Variants in PDPR observed in about 807,000 individuals in gnomAD.
PDPR encodes pyruvate dehydrogenase phosphatase regulatory subunit.
Under a neutral mutation model 102.2 loss-of-function variants are expected in PDPR, and 50 were observed. The ratio of observed to expected loss-of-function variants is 0.49; its 90% confidence interval spans 0.39 to 0.62. PDPR has a LOEUF of 0.62. Among genes scored for constraint, PDPR ranks in the 20% least tolerant of loss-of-function variants. PDPR has a pLI of 0.00. For missense variants in PDPR, 625 were observed against 1,098.2 expected (o/e 0.57, Z 6.09); for synonymous variants, 259 against 406.0 (o/e 0.64, Z 4.35).
intron 3 of PDPR, among the ~76,000 whole-genome samples, chr16:70,125,577 A>AAAG (rs1388130562): frequency 2.2e-5 from 1 of 45,876 alleles, no homozygotes; most frequent in Non-Finnish European, 4.9e-5. Flanking sequence ...AAAAAAAAGT[A>AAAG]TATATATATA....
chr16:70,138,333 C>G (rs1368682246), intron 10 of PDPR, among the ~76,000 whole-genome samples: 1 of 151,686 alleles, frequency 6.6e-6, no homozygotes, highest in African/African-American at 2.4e-5. Flanking sequence ...ATTCTCCTTC[C>G]TCAGCCTCCG....
At chr16:70,140,551 G>T (rs1399616328) in intron 11 of PDPR, among the ~76,000 whole-genome samples, 2 of 152,190 alleles carry the variant, frequency 1.3e-5, no homozygotes, top group Non-Finnish European at 1.5e-5. Flanking sequence ...AGGCGCAGTG[G>T]CTCAAGCCTG....
At chr16:70,119,041 C>T (rs1242564562) in intron 2 of PDPR, among the ~76,000 whole-genome samples, 4 of 152,088 alleles carry the variant, frequency 2.6e-5, no homozygotes, top group South Asian at 2.1e-4. Flanking sequence ...CCTTGTCTAC[C>T]GCCTCTCGTC....
chr16:70,133,915 T>G (rs1446454111), intron 9 of PDPR, among the ~76,000 whole-genome samples: 1 of 152,166 alleles, frequency 6.6e-6, no homozygotes, highest in Non-Finnish European at 1.5e-5. Flanking sequence ...GTATTTTTAG[T>G]AGAGACAGGG....
chr16:70,135,570 C>T (rs1274173502), intron 9 of PDPR, among the ~76,000 whole-genome samples: 4 of 152,276 alleles, frequency 2.6e-5, no homozygotes, highest in African/African-American at 4.8e-5. Context: ...TCTCTGTGGC[C>T]GCCATTTAAG....
chr16:70,131,655 T>G, intron 8 of PDPR: 1 of 982,640 alleles, frequency 1.0e-6, no homozygotes, highest in Non-Finnish European at 1.2e-6. Context: ...CTAATTTTAG[T>G]CCTAAACAGA....
intron 9 of PDPR, among the ~76,000 whole-genome samples, chr16:70,134,798 AATAAT>A (rs1271429709): frequency 4.6e-5 from 3 of 64,744 alleles, no homozygotes; most frequent in South Asian, 3.7e-4. Context: ...AAAAAAAAAA[AATAAT>A]AATAATAATA....
At chr16:70,137,337 C>T (rs1214336748) in intron 10 of PDPR, among the ~76,000 whole-genome samples, 2 of 152,228 alleles carry the variant, frequency 1.3e-5, no homozygotes, top group Non-Finnish European at 2.9e-5. Context: ...GCCTGGGCAA[C>T]AGAGCGAGAC....
At chr16:70,148,081 G>T (rs1966383010) in intron 16 of PDPR, among the ~76,000 whole-genome samples, 2 of 152,256 alleles carry the variant, frequency 1.3e-5, no homozygotes, top group African/African-American at 4.8e-5. Flanking sequence ...TGTATGGCAG[G>T]CGGCCAGGGT....
chr16:70,159,865 T>C lies in PDPR; in HGVS notation c.*2986T>C, dbSNP rs1328175873. The C allele has an allele frequency of 6.5e-6, 1 of 152,962 alleles. No individual in the cohort carries two copies. The highest frequency in any genetic ancestry group is 1.5e-5 in the Non-Finnish European group (1 of 68,538). 9.5% of individuals were successfully genotyped at this position (152,962 alleles called of 1,614,324 possible). A position where few individuals can be genotyped will look rare whatever the true frequency, so the allele number is the denominator to read the frequency against. On this transcript the variant is annotated 3_prime_UTR_variant, in exon 19 of 19. Coordinates refer to ENST00000288050, the MANE Select transcript of PDPR (RefSeq NM_017990.5). Reference sequence around the variant, plus strand: ...ACAGCCTCCTCATCCATGTGTCATTTCCAAGGGTTTGCCTTGTGTCTCAGC... The same window carrying C: ...ACAGCCTCCTCATCCATGTGTCATTCCCAAGGGTTTGCCTTGTGTCTCAGC...
chr16:70,141,465 A>G (rs1479310658), intron 11 of PDPR, among the ~76,000 whole-genome samples: 1 of 152,268 alleles, frequency 6.6e-6, no homozygotes, highest in Non-Finnish European at 1.5e-5. Context: ...GTACCCTTTC[A>G]CTTCAGAAGT....
chr16:70,138,582 G>A (rs1965404047), intron 10 of PDPR, among the ~76,000 whole-genome samples: 1 of 152,178 alleles, frequency 6.6e-6, no homozygotes, highest in Non-Finnish European at 1.5e-5. Flanking sequence ...TCAAACTCCT[G>A]ACTTCAAGCA....
chr16:70,148,022 C>T (rs1310048152), intron 16 of PDPR, among the ~76,000 whole-genome samples: 3 of 152,246 alleles, frequency 2.0e-5, no homozygotes, highest in Admixed American at 6.5e-5. Context: ...CCATCTTTGA[C>T]CCCAGGATAG....
chr16:70,125,552 CA>C (rs1164711741), intron 3 of PDPR, among the ~76,000 whole-genome samples: 7,760 of 106,560 alleles, frequency 0.073, 150 homozygotes, highest in African/African-American at 0.25. Context: ...AACTGCGTCT[CA>C]AAAAAAAAAA....
chr16:70,114,079 C>T (rs1248793947), upstream of PDPR: 1 of 152,232 alleles, frequency 6.6e-6, no homozygotes, highest in South Asian at 2.1e-4. Flanking sequence ...GGCCCCGGTT[C>T]TAAAACGGCC....
chr16:70,153,265 T>TA, intron 17 of PDPR, 126 bp from the exon 18 acceptor site: 1 of 1,096,694 alleles, frequency 9.1e-7, no homozygotes, highest in Non-Finnish European at 1.3e-6. Flanking sequence ...GGATGAGACA[T>TA]CCTGGGAGTT....
intron 2 of PDPR, among the ~76,000 whole-genome samples, chr16:70,118,512 C>T (rs1411417121): frequency 1.3e-5 from 2 of 152,240 alleles, no homozygotes; most frequent in African/African-American, 4.8e-5. Flanking sequence ...AGGAGGTTGA[C>T]AGTGAGGTCA....
intron 17 of PDPR, among the ~76,000 whole-genome samples, chr16:70,151,808 C>A (rs910911083): frequency 1.3e-5 from 2 of 152,206 alleles, no homozygotes; most frequent in African/African-American, 4.8e-5. Flanking sequence ...GTTTGTCTCT[C>A]TGAGAAGAGG....
intron 2 of PDPR, among the ~76,000 whole-genome samples, chr16:70,119,953 G>A (rs1726266636): frequency 6.8e-6 from 1 of 148,064 alleles, no homozygotes; most frequent in Admixed American, 6.7e-5. Flanking sequence ...GTCTCGCTCT[G>A]TCGCCCAGGC....
Sources: gnomAD v4.1 joint callset for allele counts (sites outside exome capture counted in the v4.1 genomes callset) on GRCh38, gnomAD v4.1.1 for gene constraint, MANE v1.5 for transcripts, NCBI Gene and HGNC (gene_info 2026-07-23, HGNC 2026-07-21) for gene names.